The following USP6NL variants were observed in gnomAD, a reference collection of about 807,000 sequenced individuals.
The protein encoded by USP6NL is USP6 N-terminal like.
A neutral mutation model predicts 61.9 loss-of-function variants in USP6NL; 26 were observed. The ratio of observed to expected loss-of-function variants is 0.42; its 90% CI spans 0.31 to 0.58. USP6NL has a LOEUF of 0.58. Among genes scored for constraint, USP6NL ranks in the 20% least tolerant of loss-of-function variants. The pLI is 0.16. For missense variants in USP6NL, 1,114 were observed against 1,034.3 expected (o/e 1.08, Z -1.06); for synonymous variants, 432 against 390.1 (o/e 1.11, Z -1.27).
chr10:11,555,433 A>ATATATATAT (rs1555171083), intron 2 of USP6NL, among the ~76,000 whole-genome samples: 1 of 49,030 alleles, frequency 2.0e-5, no homozygotes, highest in East Asian at 9.0e-4. Context: ...AAAAAAAAAA[A>ATATATATAT]ATATATATAT....
chr10:11,471,768 C>A (rs567499702), intron 14 of USP6NL, among the ~76,000 whole-genome samples: 1 of 139,722 alleles, frequency 7.2e-6, no homozygotes, highest in African/African-American at 2.7e-5. Context: ...CAGGTGGGAA[C>A]TGAACAATGA....
chr10:11,540,820 C>T lies in USP6NL; in HGVS notation c.5-13253G>A, dbSNP rs1475829639. Among the ~76,000 whole-genome samples the T allele has an allele frequency of 6.6e-6, 1 of 152,088 alleles. No individual in the cohort carries two copies. The highest frequency in any genetic ancestry group is 1.5e-5 in the Non-Finnish European group (1 of 68,008). On this transcript the variant is annotated intron_variant, in intron 2 of 14. Coordinates refer to ENST00000609104, the MANE Select transcript of USP6NL (RefSeq NM_014688.5). The surrounding 1 kb of genome is among the most constrained non-coding windows in gnomAD (Gnocchi z 5.0). ...TTGCCTAGAACAACTGAGAAGCACA[C>T]AGGAAGAACTATGTTATCATCCTTT...
Position 11,460,602 on chromosome 10 carries a change from G to A in USP6NL, c.*1839C>T, listed in dbSNP as rs1352438160. ...TAAATGACATAAGAAAATAGTGCTT[G>A]TGTGTATATATATATTTTTTGCATA... On this transcript the variant is annotated 3_prime_UTR_variant, in exon 15 of 15. Coordinates refer to ENST00000609104, the MANE Select transcript of USP6NL (RefSeq NM_014688.5). 7.1e-6 allele frequency: 1 copy of A among 141,456 alleles called. No individual in the cohort carries two copies. The highest frequency in any genetic ancestry group is 2.6e-5 in the African/African-American group (1 of 38,250). The allele number at this position is 141,456 out of a possible 1,614,324, so 8.8% of individuals were successfully genotyped here. A position where few individuals can be genotyped will look rare whatever the true frequency, so the allele number is the denominator to read the frequency against.
At chr10:11,573,736 T>G (rs915047411) in intron 2 of USP6NL, 1 of 398,486 alleles carries the variant, frequency 2.5e-6, no homozygotes, top group Non-Finnish European at 4.4e-6. Flanking sequence ...ACAGGTTTCA[T>G]CACCAGAAGC....
In USP6NL at chr10:11,493,188, C is replaced by T. The variant is rs1268321969; in HGVS notation, c.425G>A (p.Arg142Lys). Residue 142 changes from arginine to lysine, a missense_variant, in exon 8 of 15, where the codon AGA becomes AAA. Physicochemically the swap from Arg to Lys is conservative, Grantham distance 26. Coordinates refer to ENST00000609104, the MANE Select transcript of USP6NL (RefSeq NM_014688.5). ...HRARGCSPDIRQIDLDVNRTF... is the reference protein window; with the variant it reads ...HRARGCSPDIKQIDLDVNRTF... ...GCGGTTGACATCCAGGTCTATTTGT[C>T]TGATGTCAGGTGAACAGCCCCGTGC... 6.8e-6 allele frequency: 11 copies of T among 1,612,242 alleles called. No individual in the cohort carries two copies. The highest frequency in any genetic ancestry group is 8.5e-6 in the Non-Finnish European group (10 of 1,179,184).
intron 4 of USP6NL, among the ~76,000 whole-genome samples, chr10:11,521,959 T>C (rs1405297550): frequency 1.3e-5 from 2 of 152,372 alleles, no homozygotes; most frequent in African/African-American, 4.8e-5. Context: ...TTGATTAAAA[T>C]GTTAAAGTTC....
rs1424234338 is a variant in USP6NL at position 11,495,690 on chromosome 10, T to C, written c.385-2462A>G. On this transcript the variant is annotated intron_variant, in intron 7 of 14. Transcript: ENST00000609104. This position sits in a 1 kb window ranked among gnomAD's most constrained non-coding sequence, Gnocchi z 4.6. ...CTATACTTGTTTTATGGATGCAGTA[T>C]CTATTTTTCTCTGAAGATATTAAAA... is the stretch of plus-strand genomic sequence containing the variant. Among the ~76,000 whole-genome samples the C allele has an allele frequency of 1.3e-5, 2 of 152,260 alleles. No homozygotes were observed. Among genetic ancestry groups the C allele is most frequent in the Non-Finnish European group, 2.9e-5 (2 of 68,046 alleles).
At chr10:11,586,130 T>C (rs2133624047) in intron 2 of USP6NL, among the ~76,000 whole-genome samples, 1 of 152,284 alleles carries the variant, frequency 6.6e-6, no homozygotes, top group South Asian at 2.1e-4. Context: ...AATCAAATAA[T>C]ACAACAGATA....
At chr10:11,579,996 T>C (rs1003063524) in intron 2 of USP6NL, among the ~76,000 whole-genome samples, 1 of 148,896 alleles carries the variant, frequency 6.7e-6, no homozygotes, top group Non-Finnish European at 1.5e-5. Flanking sequence ...AAGACACTTT[T>C]GATAGTCACA....
At chr10:11,567,039 A>T (rs1224716967) in intron 2 of USP6NL, among the ~76,000 whole-genome samples, 1 of 152,216 alleles carries the variant, frequency 6.6e-6, no homozygotes, top group Non-Finnish European at 1.5e-5. Context: ...ACTTGAGCCG[A>T]GGAGTTCAAG....
chr10:11,563,960 T>G (rs1257490024), intron 2 of USP6NL: 1 of 152,226 alleles, frequency 6.6e-6, no homozygotes, highest in Non-Finnish European at 1.5e-5. Flanking sequence ...TTCTCACAAT[T>G]AATAAAACTT....
At chr10:11,519,995 G>GTCA (rs1835141066) in intron 4 of USP6NL, among the ~76,000 whole-genome samples, 1 of 152,156 alleles carries the variant, frequency 6.6e-6, no homozygotes, top group Admixed American at 6.5e-5. Flanking sequence ...TCTACTCTGA[G>GTCA]GAGTCCTTAG....
intron 1 of USP6NL, among the ~76,000 whole-genome samples, chr10:11,608,065 T>C (rs1293303479): frequency 6.6e-6 from 1 of 152,192 alleles, no homozygotes; most frequent in African/African-American, 2.4e-5. Context: ...TATTTTAGGG[T>C]GGATTGCTAC....
chr10:11,537,235 C>T lies in USP6NL; in HGVS notation c.5-9668G>A, dbSNP rs2133440422. 6.6e-6 allele frequency among the ~76,000 whole-genome samples: 1 copy of T among 152,228 alleles called. No homozygotes were observed. Among genetic ancestry groups the T allele is most frequent in the Non-Finnish European group, 1.5e-5 (1 of 68,006 alleles). On this transcript the variant is annotated intron_variant, in intron 2 of 14. Transcript: ENST00000609104. The surrounding 1 kb of genome is among the most constrained non-coding windows in gnomAD (Gnocchi z 5.1). ...TCCTCCCACCTCAGCCTCCTGAGTC[C>T]TAAGTAGCTGGGACTACAGGCGCAT...
At chr10:11,472,603 G>GT (rs1832804453) in intron 14 of USP6NL, among the ~76,000 whole-genome samples, 2 of 152,142 alleles carry the variant, frequency 1.3e-5, no homozygotes, top group African/African-American at 4.8e-5. Context: ...AGATCAAACA[G>GT]TAAGTCCAAT....
intron 1 of USP6NL, among the ~76,000 whole-genome samples, chr10:11,603,533 A>G (rs1315747363): frequency 6.6e-6 from 1 of 152,230 alleles, no homozygotes; most frequent in African/African-American, 2.4e-5. Flanking sequence ...CCAGACTGCC[A>G]ACTGTAACAA....
chr10:11,588,726 A>G (rs1040212546), intron 2 of USP6NL, among the ~76,000 whole-genome samples: 1 of 152,144 alleles, frequency 6.6e-6, no homozygotes, highest in Non-Finnish European at 1.5e-5. Context: ...TAAAATTTCT[A>G]GTGTCTAACA....
chr10:11,528,385 C>A lies in USP6NL; in HGVS notation c.5-818G>T. 6.6e-6 allele frequency among the ~76,000 whole-genome samples: 1 copy of A among 151,762 alleles called. No individual in the cohort carries two copies. On this transcript the variant is annotated intron_variant, in intron 2 of 14. Coordinates refer to ENST00000609104, the MANE Select transcript of USP6NL (RefSeq NM_014688.5). The surrounding 1 kb of genome is among the most constrained non-coding windows in gnomAD (Gnocchi z 4.6). ...CTAAAAGTAGCAACAGCAGTAACAA[C>A]TGTAACAACTATACTGCATTCTTAT...
chr10:11,539,312 G>A (rs1835958199), intron 2 of USP6NL, among the ~76,000 whole-genome samples: 1 of 152,198 alleles, frequency 6.6e-6, no homozygotes, highest in Admixed American at 6.5e-5. Flanking sequence ...TTTCACTCCA[G>A]ATCTGATGCC....
Sources: allele counts gnomAD v4.1 joint callset (sites outside exome capture counted in the v4.1 genomes callset), GRCh38; gene constraint gnomAD v4.1.1; non-coding constraint Gnocchi (gnomAD v3.1); transcripts MANE v1.5; gene names NCBI Gene and HGNC (gene_info 2026-07-23, HGNC 2026-07-21).